The following PPP2R2C variants were observed in gnomAD, a reference collection of about 807,000 sequenced individuals.
The protein encoded by PPP2R2C is protein phosphatase 2 regulatory subunit Bgamma.
In PPP2R2C, 10 loss-of-function variants were observed where a neutral mutation model predicts 45.3. The observed-to-expected ratio is 0.22, with a 90% confidence interval of 0.14 to 0.37. The LOEUF is 0.37. Among genes scored for constraint, PPP2R2C ranks in the 10% least tolerant of loss-of-function variants. The probability of loss-of-function intolerance (pLI) is 1.00; values close to 1 mark genes in which losing one functional copy is unlikely to be tolerated. For missense variants in PPP2R2C, 308 were observed against 619.7 expected, an observed-to-expected ratio of 0.50 and a Z score of 5.34; for synonymous variants, 257 against 245.4, an observed-to-expected ratio of 1.05 and a Z score of -0.44.
rs372427501 is a variant in PPP2R2C at position 6,557,250 on chromosome 4, G to A, written c.-59+6310C>T. Among the ~76,000 whole-genome samples the A allele has an allele frequency of 2.2e-4, 33 of 152,234 alleles. No homozygotes were observed. The South Asian group carries it at 6.4e-3, about 30-fold the overall frequency. On this transcript the variant is annotated intron_variant, in intron 1 of 9. Transcript: ENST00000506140. ...GGAAGAATATTTGAACCACTCATTG[G>A]TGTTATCCAAACACACCTGATGCAT...
chr4:6,484,184 T>G (rs1722460105), intron 2 of PPP2R2C, among the ~76,000 whole-genome samples: 1 of 152,136 alleles, frequency 6.6e-6, no homozygotes, highest in African/African-American at 2.4e-5. Context: ...AAATATGGAT[T>G]GAAGTTCATT....
intron 2 of PPP2R2C, among the ~76,000 whole-genome samples, chr4:6,495,755 G>A (rs532730469): frequency 3.3e-5 from 5 of 152,326 alleles, no homozygotes; most frequent in South Asian, 2.1e-4. Context: ...GAGGCTCTTC[G>A]GCTGGCCCTT....
chr4:6,334,738 T>C (rs541162953), intron 6 of PPP2R2C, among the ~76,000 whole-genome samples: 67 of 152,260 alleles, frequency 4.4e-4, no homozygotes, highest in African/African-American at 1.5e-3. Context: ...CCTAAACCTA[T>C]GACAACCTGT....
intron 2 of PPP2R2C, among the ~76,000 whole-genome samples, chr4:6,501,460 T>G (rs1723051619): frequency 6.6e-6 from 1 of 152,196 alleles, no homozygotes; most frequent in African/African-American, 2.4e-5. Context: ...TTCTCAAGAT[T>G]GACTGGGATG....
chr4:6,512,807 T>C lies in PPP2R2C; in HGVS notation c.49+22464A>G, dbSNP rs1723711512. Among the ~76,000 whole-genome samples the C allele has an allele frequency of 2.0e-5, 3 of 151,816 alleles. No homozygotes were observed. The South Asian group carries it at 6.2e-4, about 31-fold the overall frequency. On this transcript the variant is annotated intron_variant, in intron 2 of 9. Coordinates refer to the PPP2R2C transcript ENST00000506140. ...ATAATGTACATAACAGTGTCCAGGG[T>C]GGCACTTGACACTTTTATGATAAGG...
At chr4:6,433,368 G>T (rs4689004) in intron 1 of PPP2R2C, among the ~76,000 whole-genome samples, 7 of 152,154 alleles carry the variant, frequency 4.6e-5, no homozygotes, top group Admixed American at 2.6e-4. Flanking sequence ...TCCAGTGGTG[G>T]CATGAGTTTC....
At chr4:6,452,005 G>T (rs1720761963) in intron 1 of PPP2R2C, among the ~76,000 whole-genome samples, 2 of 152,090 alleles carry the variant, frequency 1.3e-5, no homozygotes, top group African/African-American at 4.8e-5. Context: ...CGAGCTGCAG[G>T]CCTGACCCAT....
chr4:6,424,389 G>C (rs942210607), intron 1 of PPP2R2C, among the ~76,000 whole-genome samples: 1 of 152,226 alleles, frequency 6.6e-6, no homozygotes, highest in Non-Finnish European at 1.5e-5. Context: ...TAAGTCAGCA[G>C]ATATGACCTG....
intron 1 of PPP2R2C, among the ~76,000 whole-genome samples, chr4:6,460,971 C>T (rs1376783009): frequency 9.2e-5 from 14 of 152,110 alleles, no homozygotes; most frequent in Admixed American, 8.5e-4. Context: ...ACCCCACACA[C>T]ATCCTCTAAA....
At chr4:6,338,574 C>G (rs1315525745) in intron 6 of PPP2R2C, among the ~76,000 whole-genome samples, 1 of 152,128 alleles carries the variant, frequency 6.6e-6, no homozygotes, top group African/African-American at 2.4e-5. Context: ...GCTTGAAGCC[C>G]TCCTTGGCTC....
At chr4:6,403,495 C>A (rs541224097) in intron 1 of PPP2R2C, among the ~76,000 whole-genome samples, 1 of 152,230 alleles carries the variant, frequency 6.6e-6, no homozygotes, top group Non-Finnish European at 1.5e-5. Context: ...TCCCCACCCC[C>A]ACGGAGGCTT....
At chr4:6,509,979 G>A (rs987813828) in intron 2 of PPP2R2C, among the ~76,000 whole-genome samples, 1 of 152,150 alleles carries the variant, frequency 6.6e-6, no homozygotes, top group African/African-American at 2.4e-5. Context: ...TTCCACAAGT[G>A]TCCCAGGTGC....
At chr4:6,389,078 C>T (rs1293651531) in intron 1 of PPP2R2C, among the ~76,000 whole-genome samples, 1 of 152,226 alleles carries the variant, frequency 6.6e-6, no homozygotes, top group Non-Finnish European at 1.5e-5. Context: ...GTCCCAGCCC[C>T]ACTACTTACC....
chr4:6,414,155 A>G, intron 1 of PPP2R2C: 1 of 1,123,568 alleles, frequency 8.9e-7, no homozygotes, highest in Non-Finnish European at 1.2e-6. Context: ...GAAACAAAAT[A>G]CGGCCTAGTA....
At chr4:6,375,023 T>A (rs1715180695) in intron 4 of PPP2R2C, among the ~76,000 whole-genome samples, 1 of 152,088 alleles carries the variant, frequency 6.6e-6, no homozygotes, top group Non-Finnish European at 1.5e-5. Flanking sequence ...TAAACAGGAT[T>A]TTTATGAAGG....
chr4:6,411,755 T>C (rs1382753856), intron 1 of PPP2R2C, among the ~76,000 whole-genome samples: 1 of 152,240 alleles, frequency 6.6e-6, no homozygotes, highest in East Asian at 1.9e-4. Flanking sequence ...GGTTTCACTG[T>C]GTTAGCCAGG....
At chr4:6,549,873 C>T (rs916917191) in intron 1 of PPP2R2C, among the ~76,000 whole-genome samples, 5 of 152,216 alleles carry the variant, frequency 3.3e-5, no homozygotes, top group Admixed American at 1.3e-4. Flanking sequence ...CGTTATTTCT[C>T]GAGACTCAGT....
At chr4:6,363,880 G>A (rs1009620574) in intron 5 of PPP2R2C, among the ~76,000 whole-genome samples, 3 of 152,230 alleles carry the variant, frequency 2.0e-5, no homozygotes, top group Admixed American at 6.5e-5. Flanking sequence ...AGGGGACCAC[G>A]TGGCAGGTCC....
At position 6,323,321 on chromosome 4, in the gene PPP2R2C, A is replaced by G. The variant is rs1022279531; in HGVS notation, c.1325T>C (p.Val442Ala). The change falls in exon 9 of 9, where the codon GTA (valine) becomes GCA (alanine). Residue 442 changes from valine (V) to alanine (A), a missense_variant. Val to Ala is a moderately conservative substitution (Grantham distance 64). Coordinates refer to ENST00000382599, the MANE Select transcript of PPP2R2C (RefSeq NM_020416.4). ...TNNLYIFQDK[V>A]NSDMH ...ACATACCTAGTGCATGTCAGAGTTT[A>G]CCTTGTCCTGGAAGATGTACAGGTT... The G allele has an allele frequency of 4.4e-6, 7 of 1,605,396 alleles. No homozygotes were observed. In the African/African-American group the frequency reaches 9.4e-5, roughly 21 times the overall value.
Sources: gnomAD v4.1 joint callset for allele counts (sites outside exome capture counted in the v4.1 genomes callset) on GRCh38, gnomAD v4.1.1 for gene constraint, MANE v1.5 for transcripts, NCBI Gene and HGNC (gene_info 2026-07-23, HGNC 2026-07-21) for gene names.